Variants in BCKDHB observed in about 807,000 individuals in gnomAD.
BCKDHB encodes 2-oxoisovalerate dehydrogenase subunit beta, mitochondrial.
In BCKDHB, 41 loss-of-function variants were observed where a neutral mutation model predicts 48.5. That is an observed-to-expected ratio of 0.85 (90% confidence interval 0.66 to 1.10). BCKDHB has a LOEUF of 1.10. BCKDHB is among the 50% of genes least tolerant of loss of function. BCKDHB has a pLI of 0.00. For synonymous variants in BCKDHB, 201 were observed against 174.8 expected (o/e 1.15, Z -1.18); for missense variants, 496 against 494.2 (o/e 1.00, Z -0.03).
intron 9 of BCKDHB, among the ~76,000 whole-genome samples, chr6:80,325,940 CAA>C (rs1480752848): frequency 6.6e-6 from 1 of 152,058 alleles, no homozygotes; most frequent in Non-Finnish European, 1.5e-5. Context: ...ACTAAGGAAA[CAA>C]GAGGACTGAA....
At chr6:80,123,761 C>T (rs1582183562) in intron 1 of BCKDHB, among the ~76,000 whole-genome samples, 2 of 152,184 alleles carry the variant, frequency 1.3e-5, no homozygotes, top group East Asian at 3.9e-4. Flanking sequence ...TTTTTTATTG[C>T]ATCTATTTGA....
the BCKDHB span, among the ~76,000 whole-genome samples, chr6:80,411,289 G>A: frequency 2.6e-5 from 4 of 152,172 alleles, no homozygotes; most frequent in Non-Finnish European, 5.9e-5. Context: ...AGAACAGCAA[G>A]TATTGCAGAA....
intron 8 of BCKDHB, among the ~76,000 whole-genome samples, chr6:80,207,770 T>C (rs1219887142): frequency 6.6e-6 from 1 of 151,808 alleles, no homozygotes; most frequent in Non-Finnish European, 1.5e-5. Flanking sequence ...CATTTCATTA[T>C]GCCAAAGGGA....
intron 9 of BCKDHB, among the ~76,000 whole-genome samples, chr6:80,296,761 T>C (rs1261164328): frequency 6.6e-6 from 1 of 152,228 alleles, no homozygotes; most frequent in Non-Finnish European, 1.5e-5. Context: ...TTAGCCAATA[T>C]GTTCACACAC....
chr6:80,115,584 C>CT (rs1769647439), intron 1 of BCKDHB, among the ~76,000 whole-genome samples: 1 of 151,838 alleles, frequency 6.6e-6, no homozygotes, highest in Non-Finnish European at 1.5e-5. Flanking sequence ...TCATACTTCA[C>CT]CAGGCATATA....
At chr6:80,328,535 T>A (rs912938113) in intron 9 of BCKDHB, among the ~76,000 whole-genome samples, 5 of 152,224 alleles carry the variant, frequency 3.3e-5, no homozygotes, top group Non-Finnish European at 7.3e-5. Context: ...AATTAACTTA[T>A]ACTTTATAAG....
chr6:80,225,014 C>T (rs73748753), intron 8 of BCKDHB, among the ~76,000 whole-genome samples: 3,009 of 152,274 alleles, frequency 0.02, 94 homozygotes, highest in African/African-American at 0.068. Flanking sequence ...TCTCTAACTT[C>T]CACCTATTGA....
chr6:80,152,449 A>C (rs1405872607), intron 3 of BCKDHB, among the ~76,000 whole-genome samples: 1 of 152,144 alleles, frequency 6.6e-6, no homozygotes, highest in African/African-American at 2.4e-5. Flanking sequence ...TTCAAGTGTC[A>C]CTTAAAGGAG....
the BCKDHB span, among the ~76,000 whole-genome samples, chr6:80,408,957 G>T: frequency 1.3e-5 from 2 of 152,022 alleles, no homozygotes; most frequent in African/African-American, 2.4e-5. Flanking sequence ...TCTATTTATT[G>T]TGATGTTAAG....
chr6:80,398,816 T>A, the BCKDHB span, among the ~76,000 whole-genome samples: 10 of 152,168 alleles, frequency 6.6e-5, no homozygotes, highest in South Asian at 2.1e-3. Context: ...AGGCAAATAT[T>A]CTTGATAAAC....
the BCKDHB span, among the ~76,000 whole-genome samples, chr6:80,360,255 G>A: frequency 6.6e-6 from 1 of 151,652 alleles, no homozygotes; most frequent in African/African-American, 2.4e-5. Flanking sequence ...TGTCTTTGAA[G>A]TAGGTGAAAA....
the BCKDHB span, among the ~76,000 whole-genome samples, chr6:80,433,852 CATT>C: frequency 6.6e-6 from 1 of 152,174 alleles, no homozygotes; most frequent in Non-Finnish European, 1.5e-5. Context: ...GATTTGGAAT[CATT>C]ATGTTTTTTG....
At chr6:80,284,179 T>C (rs945389550) in intron 9 of BCKDHB, among the ~76,000 whole-genome samples, 2 of 152,094 alleles carry the variant, frequency 1.3e-5, no homozygotes, top group African/African-American at 4.8e-5. Flanking sequence ...TTTTCATGAA[T>C]GAGTTCACAG....
the BCKDHB span, among the ~76,000 whole-genome samples, chr6:80,415,733 T>A: frequency 6.6e-6 from 1 of 152,104 alleles, no homozygotes; most frequent in Non-Finnish European, 1.5e-5. Flanking sequence ...TGAACGTTTC[T>A]TTTTTTGTTG....
chr6:80,175,938 G>A (rs905000385), intron 6 of BCKDHB, among the ~76,000 whole-genome samples: 3 of 152,178 alleles, frequency 2.0e-5, no homozygotes, highest in Admixed American at 2.0e-4. Context: ...TGGAAATAAA[G>A]TAGGGGGGAA....
chr6:80,443,001 A>T, the BCKDHB span, among the ~76,000 whole-genome samples: 1 of 152,154 alleles, frequency 6.6e-6, no homozygotes, highest in Non-Finnish European at 1.5e-5. Context: ...GATGACAGAG[A>T]TATCAGTGTG....
At chr6:80,107,518 T>TATATATATGCAC (rs138189568) in intron 1 of BCKDHB, among the ~76,000 whole-genome samples, 48,355 of 121,514 alleles carry the variant, frequency 0.4, 11,054 homozygotes, top group Admixed American at 0.56. Context: ...TGTGCGCATA[T>TATATATATGCAC]ATATATATAT....
the BCKDHB span, among the ~76,000 whole-genome samples, chr6:80,364,991 A>G: frequency 1.7e-3 from 256 of 152,332 alleles, no homozygotes; most frequent in African/African-American, 5.7e-3. Flanking sequence ...CCTCAAAACC[A>G]GTAAGTTTTT....
At chr6:80,135,993 A>G (rs1366581789) in intron 3 of BCKDHB, 2 of 152,172 alleles carry the variant, frequency 1.3e-5, no homozygotes, top group Admixed American at 1.3e-4. Context: ...GCATGTGTCA[A>G]AGTTTCCTCC....
Sources: allele counts gnomAD v4.1 joint callset (sites outside exome capture counted in the v4.1 genomes callset), GRCh38; gene constraint gnomAD v4.1.1; transcripts MANE v1.5; gene names NCBI Gene and HGNC (gene_info 2026-07-23, HGNC 2026-07-21).